Variants in SV2C observed in about 807,000 individuals in gnomAD.
SV2C encodes solute carrier family 22 member B3.
A neutral mutation model predicts 79.7 loss-of-function variants in SV2C; 49 were observed. The observed-to-expected ratio is 0.61, with a 90% confidence interval of 0.49 to 0.78. SV2C has a LOEUF of 0.78. Among genes scored for constraint, SV2C ranks in the 30% least tolerant of loss-of-function variants. The pLI is 0.00. For missense variants in SV2C, 833 were observed against 912.9 expected (o/e 0.91, Z 1.13); for synonymous variants, 334 against 333.2 (o/e 1.00, Z -0.03).
the SV2C span, among the ~76,000 whole-genome samples, chr5:75,950,116 C>T: frequency 6.6e-6 from 1 of 151,988 alleles, no homozygotes; most frequent in Non-Finnish European, 1.5e-5. Flanking sequence ...AGCCCTGGGG[C>T]ACTGTTGGTG....
rs555910166 is a variant in SV2C at position 76,165,812 on chromosome 5, G to A, written c.581-29107G>A. 5.6e-4 allele frequency among the ~76,000 whole-genome samples: 86 copies of A among 152,268 alleles called. 1 individual carries two copies. Among genetic ancestry groups the A allele is most frequent in the African/African-American group, 2.0e-3 (84 of 41,556 alleles). ...AGTAGCTGAGTAGATTCAGGAACTG[G>A]AATCAAACAAGGCAAGGTTGGGGCT... On this transcript the variant is annotated intron_variant, in intron 2 of 12. Coordinates refer to ENST00000502798, the MANE Select transcript of SV2C (RefSeq NM_014979.4).
intron 4 of SV2C, among the ~76,000 whole-genome samples, chr5:76,281,933 T>A (rs867296336): frequency 2.6e-5 from 4 of 152,262 alleles, no homozygotes; most frequent in Non-Finnish European, 5.9e-5. Context: ...CCTTGGCATG[T>A]AAGGTAACAT....
the SV2C span, chr5:75,921,548 G>A: frequency 1.2e-6 from 1 of 845,412 alleles, no homozygotes; most frequent in Non-Finnish European, 2.1e-6. Context: ...TGAAGGCATG[G>A]TCTTGGGGTT....
the SV2C span, among the ~76,000 whole-genome samples, chr5:75,976,844 A>G: frequency 6.6e-6 from 1 of 152,230 alleles, no homozygotes; most frequent in Non-Finnish European, 1.5e-5. Flanking sequence ...GAAATAGGAT[A>G]CTTTTGTAAT....
chr5:76,317,073 T>C (rs541762660), intron 12 of SV2C, among the ~76,000 whole-genome samples: 1 of 152,298 alleles, frequency 6.6e-6, no homozygotes, highest in East Asian at 1.9e-4. Context: ...ATTAGGAGTG[T>C]ATTAAGGACA....
chr5:76,179,947 G>GA (rs5868810), intron 2 of SV2C, among the ~76,000 whole-genome samples: 105,052 of 151,926 alleles, frequency 0.69, 37,448 homozygotes, highest in East Asian at 0.97. Context: ...AACAACAACA[G>GA]AAAAAAAACT....
At chr5:75,982,730 T>C in the SV2C span, among the ~76,000 whole-genome samples, 73 of 152,288 alleles carry the variant, frequency 4.8e-4, no homozygotes, top group African/African-American at 1.6e-3. Context: ...CCATCAATGA[T>C]AGACTGAATA....
chr5:76,057,221 G>A, the SV2C span, among the ~76,000 whole-genome samples: 1 of 151,946 alleles, frequency 6.6e-6, no homozygotes, highest in Non-Finnish European at 1.5e-5. Flanking sequence ...TTCAAATAAT[G>A]AAGTAAGTTT....
In SV2C at chr5:76,285,250, G is replaced by T; in HGVS notation, c.1002G>T (p.Val334=). ...IVCALPCVSS[V]VALTFMPESP... ...GTGCACTCCCCTGTGTCTCCTCCGT[G>T]GTGGCCCTCACATTCATGCCTGAAA... Residue 334 remains valine, a synonymous_variant, in exon 5 of 13, where the codon GTG becomes GTT. Coordinates refer to ENST00000502798, the MANE Select transcript of SV2C (RefSeq NM_014979.4). 1.2e-6 allele frequency: 2 copies of T among 1,614,158 alleles called. No individual in the cohort carries two copies. The highest frequency in any genetic ancestry group is 2.2e-5 in the South Asian group (2 of 91,078).
At position 76,088,035 on chromosome 5, in the gene SV2C, C is replaced by T. The variant is rs183101560; in HGVS notation, c.-102+4523C>T. 7.5e-3 allele frequency among the ~76,000 whole-genome samples: 1,141 copies of T among 152,264 alleles called. 13 individuals are homozygous for T. Among genetic ancestry groups the T allele is most frequent in the Non-Finnish European group, 9.6e-3 (650 of 68,024 alleles). ...CCTTCAGAGCCCTAGGTGGTCTGGC[C>T]TCTGCTCACTTCTGCAGCCTCATTT... On this transcript the variant is annotated intron_variant, in intron 1 of 12. Coordinates refer to ENST00000502798, the MANE Select transcript of SV2C (RefSeq NM_014979.4).
chr5:75,858,936 C>A, the SV2C span, among the ~76,000 whole-genome samples: 2 of 152,004 alleles, frequency 1.3e-5, no homozygotes, highest in East Asian at 1.9e-4. Context: ...TCACTTGTAA[C>A]GTCTTCTTTT....
chr5:75,857,272 T>A, the SV2C span, among the ~76,000 whole-genome samples: 6,171 of 152,192 alleles, frequency 0.041, 204 homozygotes, highest in African/African-American at 0.094. Context: ...TAATCCATTT[T>A]GATTTGATTT....
chr5:75,984,536 C>CCTATCTATCTATCTATCTAT, the SV2C span, among the ~76,000 whole-genome samples: 27 of 145,096 alleles, frequency 1.9e-4, no homozygotes, highest in Middle Eastern at 3.4e-3. Context: ...GATCTATCTG[C>CCTATCTATCTATCTATCTAT]CTATCTATCT....
chr5:76,012,719 G>A, the SV2C span, among the ~76,000 whole-genome samples: 7 of 151,880 alleles, frequency 4.6e-5, no homozygotes, highest in East Asian at 1.9e-4. Context: ...GATTTTCTTC[G>A]GGGTTTTTAC....
intron 4 of SV2C, among the ~76,000 whole-genome samples, chr5:76,217,949 G>A (rs527694340): frequency 6.6e-6 from 1 of 152,084 alleles, no homozygotes; most frequent in Non-Finnish European, 1.5e-5. Context: ...TAGAAATAAC[G>A]AGAGTCTGAC....
intron 1 of SV2C, among the ~76,000 whole-genome samples, chr5:76,105,786 C>T (rs550353455): frequency 5.5e-4 from 84 of 152,156 alleles, no homozygotes; most frequent in Admixed American, 9.8e-4. Context: ...ATTGCAGTCT[C>T]TTGGTCTTCC....
chr5:76,161,883 G>A (rs575083004), intron 2 of SV2C, among the ~76,000 whole-genome samples: 2 of 152,230 alleles, frequency 1.3e-5, no homozygotes, highest in African/African-American at 4.8e-5. Context: ...TGTGAACAGT[G>A]CCATTTTAGT....
chr5:75,919,358 T>C, the SV2C span, among the ~76,000 whole-genome samples: 3 of 152,278 alleles, frequency 2.0e-5, no homozygotes, highest in Admixed American at 1.3e-4. Flanking sequence ...CTTATGCTTC[T>C]GTTTACTTAT....
the SV2C span, chr5:75,921,183 C>T: frequency 2.4e-5 from 23 of 967,140 alleles, no homozygotes; most frequent in Non-Finnish European, 3.4e-5. Flanking sequence ...TCCAAGTGCC[C>T]GTGGAACTTG....
Sources: allele counts gnomAD v4.1 joint callset (sites outside exome capture counted in the v4.1 genomes callset), GRCh38; gene constraint gnomAD v4.1.1; transcripts MANE v1.5; gene names NCBI Gene and HGNC (gene_info 2026-07-23, HGNC 2026-07-21).